Variants in STK32A observed in about 807,000 individuals in gnomAD.
STK32A encodes serine/threonine-protein kinase 32A.
STK32A carries 41 observed loss-of-function variants against 53.2 expected under a neutral mutation model. That is an observed-to-expected ratio of 0.77 (90% CI 0.60 to 1.00). The LOEUF is 1.00. STK32A is among the 50% of genes least tolerant of loss of function. STK32A has a pLI of 0.00. For missense variants in STK32A, 458 were observed against 485.8 expected (o/e 0.94, Z 0.54); for synonymous variants, 166 against 162.8 (o/e 1.02, Z -0.15).
intron 4 of STK32A, among the ~76,000 whole-genome samples, chr5:147,315,842 C>T (rs558687726): frequency 4.3e-4 from 65 of 152,006 alleles, no homozygotes; most frequent in Non-Finnish European, 8.5e-4. Context: ...CCTTGTTTTT[C>T]GTATTTGACT....
At chr5:147,282,414 T>G (rs973595688) in intron 4 of STK32A, among the ~76,000 whole-genome samples, 4 of 152,140 alleles carry the variant, frequency 2.6e-5, no homozygotes, top group Admixed American at 6.6e-5. Context: ...ACAAAGAGCA[T>G]GATGAATGCA....
At chr5:147,369,138 A>G (rs977261459) in intron 8 of STK32A, among the ~76,000 whole-genome samples, 6 of 152,160 alleles carry the variant, frequency 3.9e-5, no homozygotes, top group African/African-American at 1.4e-4. Context: ...TTTCTACTAT[A>G]TAATTACCAA....
chr5:147,366,453 T>A (rs1756749915), intron 8 of STK32A, among the ~76,000 whole-genome samples: 1 of 152,220 alleles, frequency 6.6e-6, no homozygotes, highest in Admixed American at 6.5e-5. Context: ...ACTATTCCAG[T>A]TCGTGTTGGG....
intron 1 of STK32A, among the ~76,000 whole-genome samples, chr5:147,237,799 T>G (rs776880052): frequency 8.5e-5 from 13 of 152,250 alleles, no homozygotes; most frequent in Middle Eastern, 3.4e-3. Flanking sequence ...AAATGAAGGG[T>G]TTACTTACAT....
Position 147,323,950 on chromosome 5 carries a change from G to A in STK32A, c.313G>A (p.Gly105Ser), listed in dbSNP as rs1754445078. 6.2e-7 allele frequency: 1 copy of A among 1,613,460 alleles called. No individual in the cohort carries two copies. The highest frequency in any genetic ancestry group is 1.7e-5 in the Admixed American group (1 of 59,902). The change falls in exon 5 of 13, where the codon GGT (glycine) becomes AGT (serine). Residue 105 changes from glycine (G) to serine (S), a missense_variant. Physicochemically the swap from Gly to Ser is moderately conservative, Grantham distance 56. Transcript: ENST00000397936. ...GTTCATGGTGGTGGACCTCCTGCTG[G>A]GTGGAGACCTGCGTTATCACCTGCA... ...DMFMVVDLLL[G>S]GDLRYHLQQN... is the part of the protein sequence containing the mutation.
intron 9 of STK32A, among the ~76,000 whole-genome samples, chr5:147,371,629 A>G (rs1757010581): frequency 6.6e-6 from 1 of 152,172 alleles, no homozygotes; most frequent in Non-Finnish European, 1.5e-5. Context: ...ATTGTAAGTA[A>G]AGAACTTGAG....
chr5:147,315,151 A>G (rs1753931217), intron 4 of STK32A, among the ~76,000 whole-genome samples: 1 of 152,204 alleles, frequency 6.6e-6, no homozygotes. Flanking sequence ...CAGCCACTGA[A>G]GAAAACAGTT....
the STK32A span, chr5:147,399,059 A>G: frequency 1.2e-6 from 2 of 1,611,560 alleles, no homozygotes; most frequent in Non-Finnish European, 1.7e-6. Flanking sequence ...ATTCTACTCC[A>G]CTCCCACCAG....
At chr5:147,247,421 A>T (rs1753807565) in intron 2 of STK32A, among the ~76,000 whole-genome samples, 1 of 152,262 alleles carries the variant, frequency 6.6e-6, no homozygotes, top group East Asian at 1.9e-4. Context: ...CTGGCTATAG[A>T]TTTTGAATCC....
the STK32A span, among the ~76,000 whole-genome samples, chr5:147,396,501 C>T: frequency 5.2e-4 from 79 of 152,284 alleles, no homozygotes; most frequent in African/African-American, 1.7e-3. Flanking sequence ...AATGAGGACG[C>T]GCTGCCAGAG....
intron 2 of STK32A, among the ~76,000 whole-genome samples, chr5:147,275,030 CAG>C (rs904907460): frequency 4.6e-5 from 7 of 152,124 alleles, no homozygotes; most frequent in Admixed American, 1.3e-4. Flanking sequence ...TACACAAAAA[CAG>C]ATTGCAAGTC....
At chr5:147,395,516 C>T in the STK32A span, 1 of 1,571,704 alleles carries the variant, frequency 6.4e-7, no homozygotes, top group Non-Finnish European at 8.6e-7. Flanking sequence ...TTGATCTTCC[C>T]CTTCCCCCTT....
intron 4 of STK32A, among the ~76,000 whole-genome samples, chr5:147,320,062 A>C (rs999716460): frequency 4.6e-5 from 7 of 152,212 alleles, no homozygotes; most frequent in Admixed American, 2.0e-4. Flanking sequence ...GTTTAACCTT[A>C]TGTTAATAGC....
intron 1 of STK32A, among the ~76,000 whole-genome samples, chr5:147,237,136 C>A (rs1017510068): frequency 6.6e-6 from 1 of 151,934 alleles, no homozygotes; most frequent in African/African-American, 2.4e-5. Context: ...CATGGTGAAA[C>A]CCCATCTCTA....
intron 4 of STK32A, among the ~76,000 whole-genome samples, chr5:147,288,055 G>C (rs749607830): frequency 6.6e-6 from 1 of 152,072 alleles, no homozygotes; most frequent in Non-Finnish European, 1.5e-5. Flanking sequence ...ACAACATTCT[G>C]TTCTCCATGC....
At chr5:147,311,497 A>G (rs1255721026) in intron 4 of STK32A, among the ~76,000 whole-genome samples, 1 of 152,222 alleles carries the variant, frequency 6.6e-6, no homozygotes, top group Non-Finnish European at 1.5e-5. Flanking sequence ...CAATTCAGGC[A>G]AAAAGAAAAT....
intron 11 of STK32A, among the ~76,000 whole-genome samples, chr5:147,379,271 T>C (rs1468546038): frequency 1.3e-5 from 2 of 152,016 alleles, no homozygotes; most frequent in Non-Finnish European, 2.9e-5. Flanking sequence ...CACATTCATT[T>C]TATATCCTGG....
intron 1 of STK32A, among the ~76,000 whole-genome samples, chr5:147,235,733 T>A (rs1208357820): frequency 2.6e-5 from 4 of 152,228 alleles, no homozygotes; most frequent in Non-Finnish European, 4.4e-5. Context: ...AAGACACTTG[T>A]CATGTTTGTA....
chr5:147,288,813 G>A (rs1167084806), intron 4 of STK32A, among the ~76,000 whole-genome samples: 3 of 152,130 alleles, frequency 2.0e-5, no homozygotes, highest in Admixed American at 6.5e-5. Flanking sequence ...TTTGGGTGGG[G>A]ATAGAGATGC....
Sources: gnomAD v4.1 joint callset for allele counts (sites outside exome capture counted in the v4.1 genomes callset) on GRCh38, gnomAD v4.1.1 for gene constraint, MANE v1.5 for transcripts, NCBI Gene and HGNC (gene_info 2026-07-23, HGNC 2026-07-21) for gene names.